The following TLX3 variants were observed in gnomAD, a reference collection of about 807,000 sequenced individuals.
TLX3 encodes the protein T-cell leukemia homeobox protein 3.
A neutral mutation model predicts 19.6 loss-of-function variants in TLX3; 11 were observed. The observed-to-expected ratio is 0.56, with a 90% CI of 0.35 to 0.93. TLX3 has a LOEUF of 0.93. Ranked by LOEUF, TLX3 falls within the 40% of genes least tolerant of loss-of-function variation. TLX3 has a pLI of 0.01. For synonymous variants in TLX3, 221 were observed against 188.1 expected, an observed-to-expected ratio of 1.17 and a Z score of -1.43; for missense variants, 375 against 418.6, an observed-to-expected ratio of 0.90 and a Z score of 0.91.
Position 171,311,331 on chromosome 5 carries a change from G to A in TLX3, c.666-58G>A, listed in dbSNP as rs967671892. On this transcript the variant is annotated intron_variant, in intron 2 of 2. Transcript: ENST00000296921. This position sits in a 1 kb window ranked among gnomAD's most constrained non-coding sequence, Gnocchi z 5.1. ...CTCCCGGGAGGGCCGGGGCCCCGCC[G>A]GCGGCCCCGCGGTGCCGGGTGCATG... 6.8e-6 allele frequency: 10 copies of A among 1,474,114 alleles called. No individual in the cohort carries two copies. In the African/African-American group the frequency reaches 1.2e-4, roughly 17 times the overall value. The allele number at this position is 1,474,114 out of a possible 1,614,324, so 91.3% of individuals were successfully genotyped here.
In TLX3 at chr5:171,311,182, A is replaced by G. The variant is rs2113030374; in HGVS notation, c.666-207A>G. ...CGGCGGGCAGAGTCCCCTCCTGGAG[A>G]CCCTCTGGCACACAACAAAAACAAA... is the stretch of plus-strand genomic sequence containing the variant. On this transcript the variant is annotated intron_variant, in intron 2 of 2. Coordinates refer to ENST00000296921, the MANE Select transcript of TLX3 (RefSeq NM_021025.4). The surrounding 1 kb of genome is among the most constrained non-coding windows in gnomAD (Gnocchi z 5.1). Among the ~76,000 whole-genome samples, 1 of 151,994 alleles carries G rather than the reference A, an allele frequency of 6.6e-6. No individual in the cohort carries two copies. Among genetic ancestry groups the G allele is most frequent in the African/African-American group, 2.4e-5 (1 of 41,476 alleles).
At chr5:171,310,822 A>G (rs1490184172) in intron 2 of TLX3, among the ~76,000 whole-genome samples, 3 of 150,728 alleles carry the variant, frequency 2.0e-5, no homozygotes, top group Non-Finnish European at 4.4e-5. Flanking sequence ...CGGATTTTCA[A>G]CAATCCTCGT....
chr5:171,309,783 A>G lies in TLX3; in HGVS notation c.418A>G (p.Thr140Ala), dbSNP rs1440919420. Reference sequence around the variant, plus strand: ...CCGCCGCTTCGTGAAAGACCGCTTCACAGGTGAGCAGAGCTGGCGACCAGG... The same window carrying G: ...CCGCCGCTTCGTGAAAGACCGCTTCGCAGGTGAGCAGAGCTGGCGACCAGG... ...SSRRFVKDRF[T>A]AAAALTPFTV... Residue 140 changes from threonine to alanine, a missense_variant, in exon 1 of 3, where the codon ACA (threonine) becomes GCA (alanine). By Grantham distance (58) the Thr-to-Ala change is moderately conservative. Coordinates refer to ENST00000296921, the MANE Select transcript of TLX3 (RefSeq NM_021025.4). The G allele has an allele frequency of 6.3e-7, 1 of 1,597,972 alleles. No homozygotes were observed. Among genetic ancestry groups the G allele is most frequent in the Non-Finnish European group, 8.5e-7 (1 of 1,172,056 alleles).
intron 2 of TLX3, among the ~76,000 whole-genome samples, chr5:171,310,740 ACACACACACACACGCG>A (rs1769206913): frequency 8.6e-6 from 1 of 115,734 alleles, no homozygotes; most frequent in South Asian, 3.3e-4. Context: ...AGGCACACAC[ACACACACACACACGCG>A]CACACACACG....
chr5:171,309,843 C>A, intron 1 of TLX3, 57 bp downstream of exon 1: 2 of 1,491,150 alleles, frequency 1.3e-6, no homozygotes, highest in East Asian at 2.3e-5. Flanking sequence ...CCAGAGGCGC[C>A]GCGCCCTGTG....
chr5:171,310,933 G>C (rs1196362190), intron 2 of TLX3, among the ~76,000 whole-genome samples: 1 of 151,974 alleles, frequency 6.6e-6, no homozygotes, highest in Non-Finnish European at 1.5e-5. Flanking sequence ...AAGCGATCGC[G>C]TCTGGAAAGG....
Position 171,311,324 on chromosome 5 carries a change from C to G in TLX3, c.666-65C>G. The G allele has an allele frequency of 6.9e-7, 1 of 1,452,128 alleles. No individual in the cohort carries two copies. The highest frequency in any genetic ancestry group is 1.4e-5 in the South Asian group (1 of 73,052). The allele number at this position is 1,452,128 out of a possible 1,614,324, so 90.0% of individuals were successfully genotyped here. On this transcript the variant is annotated intron_variant, in intron 2 of 2. Coordinates refer to ENST00000296921, the MANE Select transcript of TLX3 (RefSeq NM_021025.4). This position sits in a 1 kb window ranked among gnomAD's most constrained non-coding sequence, Gnocchi z 5.1. ...GCCTCGGCTCCCGGGAGGGCCGGGG[C>G]CCCGCCGGCGGCCCCGCGGTGCCGG... is the stretch of plus-strand genomic sequence containing the variant.
In TLX3 at chr5:171,309,445, C is replaced by T; in HGVS notation, c.80C>T (p.Pro27Leu). 3.7e-6 allele frequency: 6 copies of T among 1,605,524 alleles called. No homozygotes were observed. The highest frequency in any genetic ancestry group is 5.1e-6 in the Non-Finnish European group (6 of 1,176,654). Reference sequence around the variant, plus strand: ...GGCATCGACCAGATCCTTAACAGCCCGGACCAGGACAGCGCACCCGCCCCG... The same window carrying T: ...GGCATCGACCAGATCCTTAACAGCCTGGACCAGGACAGCGCACCCGCCCCG... ...SFGIDQILNSPDQDSAPAPRG... is the reference protein window; with the variant it reads ...SFGIDQILNSLDQDSAPAPRG... The change falls in exon 1 of 3, where the codon CCG (proline) becomes CTG (leucine). Residue 27 changes from proline (P) to leucine (L), a missense_variant. This residue lies in a region of TLX3 where 239 missense variants were observed against 217.0 expected (regional missense o/e 1.10). Transcript: ENST00000296921.
Position 171,311,656 on chromosome 5 carries a change from G to C in TLX3, c.*57G>C. The stretch of plus-strand genomic sequence containing the variant: ...CCGCCCCCACCCAGCCGGGCGCCCC[G>C]GACCCCCCAGGCGGGCTGCGGGGGA... On this transcript the variant is annotated 3_prime_UTR_variant, in exon 3 of 3. Coordinates refer to ENST00000296921, the MANE Select transcript of TLX3 (RefSeq NM_021025.4). This position sits in a 1 kb window ranked among gnomAD's most constrained non-coding sequence, Gnocchi z 5.1. 7.1e-7 allele frequency: 1 copy of C among 1,401,648 alleles called. No individual in the cohort carries two copies. Among genetic ancestry groups the C allele is most frequent in the Middle Eastern group, 2.4e-4 (1 of 4,194 alleles). The allele number at this position is 1,401,648 out of a possible 1,614,324, so 86.8% of individuals were successfully genotyped here.
chr5:171,309,762 C>T lies in TLX3; in HGVS notation c.397C>T (p.Arg133Cys), dbSNP rs763478591. 71 of 1,606,556 alleles carry T rather than the reference C, an allele frequency of 4.4e-5. No individual in the cohort carries two copies. Among genetic ancestry groups the T allele is most frequent in the African/African-American group, 1.3e-5 (1 of 74,484 alleles). ...LNFPWMESSR[R>C]FVKDRFTAAA... The stretch of plus-strand genomic sequence containing the variant: ...TTTCCCCTGGATGGAGAGCAGCCGC[C>T]GCTTCGTGAAAGACCGCTTCACAGG... The change falls in exon 1 of 3, where the codon CGC (arginine) becomes TGC (cysteine). Residue 133 changes from arginine (R) to cysteine (C), a missense_variant. This residue lies in a region of TLX3 where 239 missense variants were observed against 217.0 expected (regional missense o/e 1.10). Transcript: ENST00000296921.
Position 171,309,284 on chromosome 5 carries a change from G to T in TLX3, c.-82G>T. The T allele has an allele frequency of 3.3e-6, 4 of 1,216,968 alleles. No homozygotes were observed. The highest frequency in any genetic ancestry group is 4.4e-6 in the Non-Finnish European group (4 of 914,264). The allele number at this position is 1,216,968 out of a possible 1,614,324, so 75.4% of individuals were successfully genotyped here. On this transcript the variant is annotated 5_prime_UTR_variant, in exon 1 of 3. Coordinates refer to ENST00000296921, the MANE Select transcript of TLX3 (RefSeq NM_021025.4). ...GCAAAGTTTCAGTGCGACGAGAGGC[G>T]CCGGGCGCTCCATGGCCGCGCCGTA...
chr5:171,310,114 G>A (rs1331459958), intron 1 of TLX3, 36 bp from the exon 2 acceptor site: 8 of 1,540,112 alleles, frequency 5.2e-6, no homozygotes, highest in Non-Finnish European at 7.0e-6. Flanking sequence ...TGGCGGAGCC[G>A]GGCTGGGCTT....
In TLX3 at chr5:171,311,964, A is replaced by C; in HGVS notation, c.*365A>C. On this transcript the variant is annotated 3_prime_UTR_variant, in exon 3 of 3. Transcript: ENST00000296921. This position sits in a 1 kb window ranked among gnomAD's most constrained non-coding sequence, Gnocchi z 5.1. Reference sequence around the variant, plus strand: ...AAAGTTTTGGCTTTTTTCTTTAGAAACCGGCCACCTGCTTCCCCCGCGGGG... The same window carrying C: ...AAAGTTTTGGCTTTTTTCTTTAGAACCCGGCCACCTGCTTCCCCCGCGGGG... 5.1e-6 allele frequency: 1 copy of C among 197,622 alleles called. No homozygotes were observed. The highest frequency in any genetic ancestry group is 2.3e-5 in the African/African-American group (1 of 43,304). The allele number at this position is 197,622 out of a possible 1,614,324, so 12.2% of individuals were successfully genotyped here. A position where few individuals can be genotyped will look rare whatever the true frequency, so the allele number is the denominator to read the frequency against.
rs773566785 is a variant in TLX3 at position 171,309,538 on chromosome 5, C to T, written c.173C>T (p.Ser58Phe). Residue 58 changes from serine (S) to phenylalanine (F), a missense_variant, in exon 1 of 3, where the codon TCT becomes TTT. Ser to Phe is a radical substitution (Grantham distance 155). Coordinates refer to ENST00000296921, the MANE Select transcript of TLX3 (RefSeq NM_021025.4). ...GGCCGTCCGGGCGCCACATACCCGTCTCTGCCCGCCTCCTTTGCGGGCCTC... is the reference window on the plus strand; with the variant it reads ...GGCCGTCCGGGCGCCACATACCCGTTTCTGCCCGCCTCCTTTGCGGGCCTC... Reference protein sequence around the residue: ...PGGRPGATYPSLPASFAGLGA... With the variant: ...PGGRPGATYPFLPASFAGLGA... 2 of 1,573,054 alleles carry T rather than the reference C, an allele frequency of 1.3e-6. No homozygotes were observed.
Position 171,311,978 on chromosome 5 carries a change from T to C in TLX3, c.*379T>C. On this transcript the variant is annotated 3_prime_UTR_variant, in exon 3 of 3. Transcript: ENST00000296921. The surrounding 1 kb of genome is among the most constrained non-coding windows in gnomAD (Gnocchi z 5.1). ...TTTCTTTAGAAACCGGCCACCTGCT[T>C]CCCCCGCGGGGGCCGCTGGAGGAAG... is the stretch of plus-strand genomic sequence containing the variant. 1 of 193,824 alleles carries C rather than the reference T, an allele frequency of 5.2e-6. No individual in the cohort carries two copies. The highest frequency in any genetic ancestry group is 1.1e-5 in the Non-Finnish European group (1 of 92,754). 12.0% of individuals were successfully genotyped at this position (193,824 alleles called of 1,614,324 possible).
At chr5:171,310,100 A>G (rs1399623868) in intron 1 of TLX3, 50 bp from the exon 2 acceptor site, 11 of 1,529,904 alleles carry the variant, frequency 7.2e-6, no homozygotes, top group Non-Finnish European at 7.9e-6. Flanking sequence ...TGGGGCCTGA[A>G]CGGTGGCGGA....
In TLX3 at chr5:171,311,463, C is replaced by G. The variant is rs1303439810; in HGVS notation, c.740C>G (p.Ala247Gly). 1.9e-6 allele frequency: 3 copies of G among 1,604,106 alleles called. No homozygotes were observed. The East Asian group carries it at 6.7e-5, about 36-fold the overall frequency. ...SRLMLQLQHDAFQKSLNDSIQ... is the reference protein window; with the variant it reads ...SRLMLQLQHDGFQKSLNDSIQ... Reference sequence around the variant, plus strand: ...CTCATGCTGCAGCTGCAACACGACGCCTTCCAAAAGAGCCTCAACGACTCC... The same window carrying G: ...CTCATGCTGCAGCTGCAACACGACGGCTTCCAAAAGAGCCTCAACGACTCC... Residue 247 changes from alanine (A) to glycine (G), a missense_variant, in exon 3 of 3, where the codon GCC becomes GGC. Ala to Gly is a moderately conservative substitution (Grantham distance 60). Around this residue, in one of 3 missense-constraint regions of TLX3, gnomAD observed 62 missense variants for 63.1 expected, o/e 0.98. Transcript: ENST00000296921. This position sits in a 1 kb window ranked among gnomAD's most constrained non-coding sequence, Gnocchi z 5.1.
Position 171,309,781 on chromosome 5 carries a change from T to G in TLX3, c.416T>G (p.Phe139Cys), listed in dbSNP as rs1395273158. 1 of 1,600,166 alleles carries G rather than the reference T, an allele frequency of 6.2e-7. No individual in the cohort carries two copies. ...AGCCGCCGCTTCGTGAAAGACCGCT[T>G]CACAGGTGAGCAGAGCTGGCGACCA... Reference protein sequence around the residue: ...ESSRRFVKDRFTAAAALTPFT... With the variant: ...ESSRRFVKDRCTAAAALTPFT... The change falls in exon 1 of 3, where the codon TTC (phenylalanine) becomes TGC (cysteine). Residue 139 changes from phenylalanine (F) to cysteine (C), a missense_variant. Physicochemically the swap from Phe to Cys is radical, Grantham distance 205. Around this residue, in one of 3 missense-constraint regions of TLX3, gnomAD observed 239 missense variants for 217.0 expected, o/e 1.10. Transcript: ENST00000296921.
chr5:171,310,730 AGG>A (rs146750659), intron 2 of TLX3, among the ~76,000 whole-genome samples: 75,354 of 100,950 alleles, frequency 0.75, 26,743 homozygotes, highest in East Asian at 0.89. Context: ...CCAAACACAC[AGG>A]CACACACACA....
Sources: allele counts gnomAD v4.1 joint callset (sites outside exome capture counted in the v4.1 genomes callset), GRCh38; gene constraint gnomAD v4.1.1; regional missense constraint gnomAD v4.1.1; non-coding constraint Gnocchi (gnomAD v3.1); transcripts MANE v1.5; gene names NCBI Gene and HGNC (gene_info 2026-07-23, HGNC 2026-07-21).